The following CDK19 variants were observed in gnomAD, a reference collection of about 807,000 sequenced individuals.
The protein encoded by CDK19 is cyclin-dependent kinase 19.
A neutral mutation model predicts 68.3 loss-of-function variants in CDK19; 20 were observed. The observed-to-expected ratio is 0.29, with a 90% CI of 0.21 to 0.43. CDK19 has a LOEUF of 0.43. Ranked by LOEUF, CDK19 falls within the 20% of genes least tolerant of loss-of-function variation. CDK19 has a pLI of 1.00. For synonymous variants in CDK19, 221 were observed against 222.8 expected (o/e 0.99, Z 0.07); for missense variants, 339 against 623.5 (o/e 0.54, Z 4.86).
At chr6:110,812,545 T>G (rs1054593802) in intron 1 of CDK19, among the ~76,000 whole-genome samples, 8 of 152,250 alleles carry the variant, frequency 5.3e-5, no homozygotes, top group African/African-American at 1.9e-4. Flanking sequence ...AACATTTTGC[T>G]AACTGTAGTA....
At chr6:110,778,035 G>A (rs1780533696) in intron 1 of CDK19, among the ~76,000 whole-genome samples, 1 of 152,140 alleles carries the variant, frequency 6.6e-6, no homozygotes, top group African/African-American at 2.4e-5. Flanking sequence ...TTTGTAAGAT[G>A]AAAGAGGTCT....
At chr6:110,733,063 C>T (rs897311378) in intron 2 of CDK19, among the ~76,000 whole-genome samples, 1 of 152,124 alleles carries the variant, frequency 6.6e-6, no homozygotes, top group Non-Finnish European at 1.5e-5. Context: ...AGACATACAA[C>T]ATTTTCATTA....
intron 2 of CDK19, among the ~76,000 whole-genome samples, chr6:110,711,707 C>T (rs1386592477): frequency 1.3e-5 from 2 of 152,240 alleles, no homozygotes. Context: ...GTGGCTCACG[C>T]CTGCAATCCC....
At chr6:110,702,712 GA>G (rs1387069169) in intron 2 of CDK19, among the ~76,000 whole-genome samples, 1 of 152,068 alleles carries the variant, frequency 6.6e-6, no homozygotes, top group East Asian at 1.9e-4. Flanking sequence ...AGATCACTAA[GA>G]CATAATATTA....
chr6:110,626,983 A>G lies in CDK19; in HGVS notation c.790+19T>C, dbSNP rs368571755. ...GAAATATGACTCAAAATATGACTTT[A>G]AAAAGGAAAATAAATTACCTGCAGG... is the stretch of plus-strand genomic sequence containing the variant. On this transcript the variant is annotated intron_variant, in intron 7 of 12. Transcript: ENST00000368911. 2.1e-5 allele frequency: 34 copies of G among 1,590,874 alleles called. No individual in the cohort carries two copies. Among genetic ancestry groups the G allele is most frequent in the Non-Finnish European group, 2.8e-5 (33 of 1,169,812 alleles).
chr6:110,619,117 T>C (rs769429732), intron 12 of CDK19, among the ~76,000 whole-genome samples: 35 of 152,184 alleles, frequency 2.3e-4, no homozygotes, highest in Non-Finnish European at 4.6e-4. Flanking sequence ...TCCAACTAAA[T>C]AGCTGTATCT....
chr6:110,660,458 A>AGGGTT (rs1310940709), intron 4 of CDK19, among the ~76,000 whole-genome samples: 2 of 152,072 alleles, frequency 1.3e-5, no homozygotes, highest in East Asian at 1.9e-4. Context: ...AGCTCAGTGG[A>AGGGTT]GGGTTGGTGT....
Position 110,670,538 on chromosome 6 carries a change from AAAGCTGAATGCAAAAG to A in CDK19, c.205-13_207del. The A allele has an allele frequency of 6.3e-7, 1 of 1,591,830 alleles. No homozygotes were observed. The highest frequency in any genetic ancestry group is 8.6e-7 in the Non-Finnish European group (1 of 1,159,792). On this transcript the variant is annotated splice_acceptor_variant and splice_polypyrimidine_tract_variant and coding_sequence_variant and intron_variant, in exon 3 of 13. Coordinates refer to ENST00000368911, the MANE Select transcript of CDK19 (RefSeq NM_015076.5). LOFTEE classifies it high-confidence loss of function. ...ACATTAGGGTGCTTCAATTCTCGCA[AAAGCTGAATGCAAAAG>A]AAAGAGAGGGGTCACTGTTGTGTTA...
At chr6:110,743,013 T>C (rs1158687549) in intron 2 of CDK19, among the ~76,000 whole-genome samples, 1 of 152,130 alleles carries the variant, frequency 6.6e-6, no homozygotes, top group African/African-American at 2.4e-5. Context: ...CCTACCGATA[T>C]GTGATGTTAC....
rs931239686 is a variant in CDK19 at position 110,734,571 on chromosome 6, C to A, written c.204+11555G>T. Among the ~76,000 whole-genome samples the A allele has an allele frequency of 2.8e-5, 4 of 143,930 alleles. No homozygotes were observed. The South Asian group carries it at 8.8e-4, about 31-fold the overall frequency. 94.4% of individuals were successfully genotyped at this position (143,930 alleles called of 152,430 possible). On this transcript the variant is annotated intron_variant, in intron 2 of 12. Transcript: ENST00000368911. ...TCTCTCTCTCTCTCTCATGTCTGGG[C>A]TTTCCTCCATGCTGTTTCAGACCAA...
At chr6:110,710,287 C>T (rs1774847628) in intron 2 of CDK19, among the ~76,000 whole-genome samples, 1 of 152,196 alleles carries the variant, frequency 6.6e-6, no homozygotes, top group Non-Finnish European at 1.5e-5. Flanking sequence ...TCTGTTCTGG[C>T]TCTTCAGCAA....
intron 2 of CDK19, among the ~76,000 whole-genome samples, chr6:110,715,718 C>T (rs534295353): frequency 6.6e-6 from 1 of 152,274 alleles, no homozygotes; most frequent in South Asian, 2.1e-4. Flanking sequence ...ACTCGTGGAC[C>T]TCACATGATC....
intron 1 of CDK19, among the ~76,000 whole-genome samples, chr6:110,782,817 G>A (rs555758471): frequency 6.6e-6 from 1 of 151,930 alleles, no homozygotes; most frequent in South Asian, 2.1e-4. Context: ...TCTCTCAAAC[G>A]CATCTCCAAC....
At chr6:110,675,978 T>C (rs974079342) in intron 2 of CDK19, among the ~76,000 whole-genome samples, 2 of 152,364 alleles carry the variant, frequency 1.3e-5, no homozygotes, top group African/African-American at 2.4e-5. Flanking sequence ...ATAGCTGCCA[T>C]AGATTGTGAT....
At chr6:110,739,038 G>T (rs1582992264) in intron 2 of CDK19, among the ~76,000 whole-genome samples, 1 of 152,232 alleles carries the variant, frequency 6.6e-6, no homozygotes, top group East Asian at 1.9e-4. Flanking sequence ...GAATGAGGAA[G>T]TGGAGTTAAT....
intron 2 of CDK19, among the ~76,000 whole-genome samples, chr6:110,741,854 A>T (rs1777699922): frequency 1.3e-5 from 2 of 152,196 alleles, no homozygotes; most frequent in South Asian, 4.1e-4. Context: ...ACAGAAAAAG[A>T]ATTACGACAT....
At chr6:110,699,711 C>G (rs1043582341) in intron 2 of CDK19, among the ~76,000 whole-genome samples, 2 of 152,094 alleles carry the variant, frequency 1.3e-5, no homozygotes, top group African/African-American at 4.8e-5. Context: ...TTGTACCCCA[C>G]AAGCTATTCA....
intron 4 of CDK19, among the ~76,000 whole-genome samples, chr6:110,645,051 A>G (rs1327624541): frequency 6.6e-6 from 1 of 152,206 alleles, no homozygotes; most frequent in African/African-American, 2.4e-5. Context: ...TCATATGTCA[A>G]ACAGACAAAA....
chr6:110,677,104 A>C (rs1232395256), intron 2 of CDK19, among the ~76,000 whole-genome samples: 2 of 152,238 alleles, frequency 1.3e-5, no homozygotes, highest in Admixed American at 6.5e-5. Flanking sequence ...AACTAATGTT[A>C]CCTATATCTA....
Sources: allele counts gnomAD v4.1 joint callset (sites outside exome capture counted in the v4.1 genomes callset), GRCh38; gene constraint gnomAD v4.1.1; transcripts MANE v1.5; gene names NCBI Gene and HGNC (gene_info 2026-07-23, HGNC 2026-07-21).